AGMO: variants seen among roughly 807,000 people sequenced by gnomAD.
AGMO encodes the protein glyceryl-ether monooxygenase.
Under a neutral mutation model 60.2 loss-of-function variants are expected in AGMO, and 75 were observed. The ratio of observed to expected loss-of-function variants is 1.25; its 90% CI spans 1.03 to 1.51. AGMO has a LOEUF of 1.51. Ranked by LOEUF, AGMO falls within the 40% of genes most tolerant of loss-of-function variation. The pLI, the probability that AGMO is intolerant of heterozygous loss-of-function variation, is 0.00. For synonymous variants in AGMO, 261 were observed against 177.1 expected, an observed-to-expected ratio of 1.47 and a Z score of -3.76; for missense variants, 763 against 525.5, an observed-to-expected ratio of 1.45 and a Z score of -4.42.
intron 12 of AGMO, among the ~76,000 whole-genome samples, chr7:15,354,385 T>TGTGTGTATACACACAC (rs1782395067): frequency 1.0e-4 from 1 of 9,670 alleles, no homozygotes; most frequent in Non-Finnish European, 1.8e-4. Flanking sequence ...TGTATACACG[T>TGTGTGTATACACACAC]GTGTGTATAC....
intron 12 of AGMO, among the ~76,000 whole-genome samples, chr7:15,297,246 C>T (rs1271797964): frequency 6.6e-6 from 1 of 152,048 alleles, no homozygotes; most frequent in African/African-American, 2.4e-5. Flanking sequence ...AAAGACCAAC[C>T]CTACTGACAC....
intron 12 of AGMO, among the ~76,000 whole-genome samples, chr7:15,252,760 T>C (rs962380037): frequency 2.6e-5 from 4 of 152,298 alleles, no homozygotes; most frequent in Middle Eastern, 3.4e-3. Flanking sequence ...GCTGGAACTG[T>C]TGCATGGACT....
intron 3 of AGMO, among the ~76,000 whole-genome samples, chr7:15,542,774 C>T (rs1036802869): frequency 1.3e-5 from 2 of 152,112 alleles, no homozygotes; most frequent in Admixed American, 6.5e-5. Context: ...GTAGCCTTTG[C>T]ATTTATATAT....
At chr7:15,206,214 G>A in intron 12 of AGMO, among the ~76,000 whole-genome samples, 1 of 151,984 alleles carries the variant, frequency 6.6e-6, no homozygotes, top group East Asian at 1.9e-4. Context: ...AGCTCTTTAG[G>A]AACTGGAAAC....
chr7:15,333,319 A>G (rs1392005330), intron 12 of AGMO, among the ~76,000 whole-genome samples: 1 of 152,160 alleles, frequency 6.6e-6, no homozygotes, highest in Non-Finnish European at 1.5e-5. Context: ...CTATTCACTA[A>G]TAAGGTGCAC....
chr7:15,227,921 T>C, intron 12 of AGMO, among the ~76,000 whole-genome samples: 1 of 152,194 alleles, frequency 6.6e-6, no homozygotes, highest in South Asian at 2.1e-4. Context: ...AAAAGCTTGG[T>C]ATTAGAGTAT....
At chr7:15,316,992 A>C (rs1362866238) in intron 12 of AGMO, among the ~76,000 whole-genome samples, 3 of 152,226 alleles carry the variant, frequency 2.0e-5, no homozygotes, top group South Asian at 2.1e-4. Flanking sequence ...AACATAAGCA[A>C]AAGGAAATGC....
rs371527380 is a variant in AGMO at position 15,312,041 on chromosome 7, G to GA, written c.1263+53472dup. 6.4e-3 allele frequency among the ~76,000 whole-genome samples: 966 copies of GA among 151,668 alleles called. 8 individuals are homozygous for GA. Among genetic ancestry groups the GA allele is most frequent in the African/African-American group, 0.021 (863 of 41,386 alleles). ...AAACTCTCCAAATGCATCACTGGGA[G>GA]AAAAAAATAGATGAAAAATGAAAAA... On this transcript the variant is annotated intron_variant, in intron 12 of 12. Coordinates refer to ENST00000342526, the MANE Select transcript of AGMO (RefSeq NM_001004320.2).
chr7:15,306,760 C>G (rs1200724855), intron 12 of AGMO, among the ~76,000 whole-genome samples: 7 of 151,796 alleles, frequency 4.6e-5, no homozygotes, highest in Non-Finnish European at 7.4e-5. Context: ...GGAATATGTC[C>G]CTAAACTAAG....
intron 3 of AGMO, among the ~76,000 whole-genome samples, chr7:15,482,363 A>C (rs961047758): frequency 1.3e-5 from 2 of 152,154 alleles, no homozygotes; most frequent in Non-Finnish European, 2.9e-5. Context: ...AAAAAAGTTA[A>C]TGGGATGACA....
chr7:15,461,500 C>G (rs1038753984), intron 3 of AGMO, among the ~76,000 whole-genome samples: 1 of 151,940 alleles, frequency 6.6e-6, no homozygotes, highest in Admixed American at 6.6e-5. Flanking sequence ...AAAAGGTGGT[C>G]TACTCAAAAA....
At chr7:15,180,882 C>T in the AGMO span, among the ~76,000 whole-genome samples, 5 of 152,112 alleles carry the variant, frequency 3.3e-5, no homozygotes, top group Non-Finnish European at 7.3e-5. Context: ...GAGCAGGGCA[C>T]CAGCATCTGG....
chr7:15,236,217 A>C (rs557830391), intron 12 of AGMO, among the ~76,000 whole-genome samples: 31 of 152,214 alleles, frequency 2.0e-4, no homozygotes, highest in Non-Finnish European at 4.1e-4. Flanking sequence ...GTAAATTTCT[A>C]TCAGTTTGGG....
chr7:15,436,187 T>C (rs1256878961), intron 3 of AGMO, among the ~76,000 whole-genome samples: 2 of 152,226 alleles, frequency 1.3e-5, no homozygotes, highest in African/African-American at 2.4e-5. Flanking sequence ...ACGATGACTA[T>C]AGAACAGAAG....
chr7:15,529,230 C>T (rs1562554410), intron 3 of AGMO, among the ~76,000 whole-genome samples: 1 of 151,530 alleles, frequency 6.6e-6, no homozygotes, highest in Admixed American at 6.6e-5. Context: ...GAGGATGCAT[C>T]ATGTAGTACT....
chr7:15,117,224 C>G, the AGMO span, among the ~76,000 whole-genome samples: 1 of 151,924 alleles, frequency 6.6e-6, no homozygotes, highest in Non-Finnish European at 1.5e-5. Flanking sequence ...CTAATAAAGG[C>G]AAACATACAG....
At chr7:15,178,869 G>A in the AGMO span, among the ~76,000 whole-genome samples, 1 of 152,104 alleles carries the variant, frequency 6.6e-6, no homozygotes, top group Non-Finnish European at 1.5e-5. Context: ...ACCATGGCAT[G>A]AACATCTGGC....
chr7:15,251,108 T>C (rs1048516486), intron 12 of AGMO, among the ~76,000 whole-genome samples: 1 of 152,160 alleles, frequency 6.6e-6, no homozygotes, highest in Admixed American at 6.5e-5. Context: ...AACTAGAATA[T>C]TAAATACTTT....
In AGMO at chr7:15,561,850, G is replaced by C; in HGVS notation, c.-5C>G. The C allele has an allele frequency of 6.3e-7, 1 of 1,590,452 alleles. No individual in the cohort carries two copies. Among genetic ancestry groups the C allele is most frequent in the Non-Finnish European group, 8.6e-7 (1 of 1,167,338 alleles). On this transcript the variant is annotated 5_prime_UTR_variant, in exon 1 of 13. Transcript: ENST00000342526. ...CTGGGCTTCTGGGTTCTTCATTTCTGCCCTTGTCTGATTCCCAGCTGGAGA... is the reference window on the plus strand; with the variant it reads ...CTGGGCTTCTGGGTTCTTCATTTCTCCCCTTGTCTGATTCCCAGCTGGAGA...
Sources: allele counts gnomAD v4.1 joint callset (sites outside exome capture counted in the v4.1 genomes callset), GRCh38; gene constraint gnomAD v4.1.1; transcripts MANE v1.5; gene names NCBI Gene and HGNC (gene_info 2026-07-23, HGNC 2026-07-21).